ALDH4A1: variants seen among roughly 807,000 people sequenced by gnomAD.
The protein encoded by ALDH4A1 is aldehyde dehydrogenase 4 family member A1.
A neutral mutation model predicts 70.5 loss-of-function variants in ALDH4A1; 46 were observed. The ratio of observed to expected loss-of-function variants is 0.65; its 90% CI spans 0.51 to 0.83. The LOEUF (loss-of-function observed/expected upper bound fraction) is 0.83, where lower values mean the gene tolerates loss of function less well. ALDH4A1 is among the 40% of genes least tolerant of loss of function. The probability of loss-of-function intolerance (pLI) is 0.00; values close to 1 mark genes in which losing one functional copy is unlikely to be tolerated. For synonymous variants in ALDH4A1, 323 were observed against 324.3 expected (o/e 1.00, Z 0.04); for missense variants, 749 against 766.5 (o/e 0.98, Z 0.27).
At chr1:18,888,192 G>A (rs1331137349) in intron 3 of ALDH4A1, among the ~76,000 whole-genome samples, 1 of 152,140 alleles carries the variant, frequency 6.6e-6, no homozygotes, top group African/African-American at 2.4e-5. Flanking sequence ...TCTACTGGCC[G>A]GCGCTGGTCT....
chr1:18,900,445 G>A (rs1204559465), intron 1 of ALDH4A1, among the ~76,000 whole-genome samples: 1 of 152,218 alleles, frequency 6.6e-6, no homozygotes, highest in African/African-American at 2.4e-5. Context: ...CTCTCAACCG[G>A]AGGTGACTTT....
At chr1:18,885,190 C>A in intron 5 of ALDH4A1, 1 of 493,174 alleles carries the variant, frequency 2.0e-6, no homozygotes, top group Non-Finnish European at 3.7e-6. Context: ...CAGGCCACCA[C>A]CAGTCCAGGC....
chr1:18,873,758 C>T (rs1934549286), intron 14 of ALDH4A1, among the ~76,000 whole-genome samples: 1 of 152,200 alleles, frequency 6.6e-6, no homozygotes. Flanking sequence ...CTTTAAAATA[C>T]CCTCTGCAAT....
chr1:18,897,456 T>C (rs1213683736), intron 1 of ALDH4A1, among the ~76,000 whole-genome samples: 2 of 152,188 alleles, frequency 1.3e-5, no homozygotes, highest in Admixed American at 1.3e-4. Flanking sequence ...GGTAGGAGGA[T>C]GGCTTGAGCC....
At chr1:18,883,719 C>A (rs1244887162) in intron 5 of ALDH4A1, among the ~76,000 whole-genome samples, 2 of 152,198 alleles carry the variant, frequency 1.3e-5, no homozygotes, top group Non-Finnish European at 1.5e-5. Context: ...CATTTCATAG[C>A]AACTCTGAAT....
At chr1:18,892,563 G>C (rs938809684) in intron 1 of ALDH4A1, among the ~76,000 whole-genome samples, 4 of 151,722 alleles carry the variant, frequency 2.6e-5, no homozygotes, top group East Asian at 1.9e-4. Context: ...GGAGGCGGGG[G>C]GGGGCTGAGA....
chr1:18,871,495 C>T lies in ALDH4A1; in HGVS notation c.*1350G>A, dbSNP rs1267178245. The T allele has an allele frequency of 1.3e-5, 2 of 150,890 alleles. No individual in the cohort carries two copies. The highest frequency in any genetic ancestry group is 5.0e-5 in the African/African-American group (2 of 40,134). 9.3% of individuals were successfully genotyped at this position (150,890 alleles called of 1,614,324 possible). A position where few individuals can be genotyped will look rare whatever the true frequency, so the allele number is the denominator to read the frequency against. On this transcript the variant is annotated 3_prime_UTR_variant, in exon 15 of 15. Transcript: ENST00000375341. ...CCCATTGCCACCTCACAGTGTAGAA[C>T]CAGTAGAACTAAGAATACTCCAGCC...
chr1:18,882,668 C>T (rs746090442), intron 7 of ALDH4A1: 1 of 544,406 alleles, frequency 1.8e-6, no homozygotes, highest in Non-Finnish European at 3.7e-6. Flanking sequence ...AACTCCCTCT[C>T]GAAGCTGCTG....
intron 1 of ALDH4A1, among the ~76,000 whole-genome samples, chr1:18,896,083 C>T (rs1489148069): frequency 6.6e-6 from 1 of 152,138 alleles, no homozygotes; most frequent in East Asian, 1.9e-4. Flanking sequence ...ACTGGTCCAA[C>T]CTCACATAGC....
intron 1 of ALDH4A1, among the ~76,000 whole-genome samples, chr1:18,895,145 G>A (rs1312754930): frequency 1.3e-5 from 2 of 152,184 alleles, no homozygotes; most frequent in East Asian, 3.8e-4. Flanking sequence ...AAGCACCCAG[G>A]AAGTGCCTGG....
rs904113931 is a variant in ALDH4A1 at position 18,889,468 on chromosome 1, C to T, written c.157-14G>A. On this transcript the variant is annotated splice_polypyrimidine_tract_variant and intron_variant, in intron 2 of 14. Transcript: ENST00000375341. ...GTCCTTCAAGGCCTGGGGAGAGGGA[C>T]AAGAGTGGGTATGGTCACCGCCTTC... 11 of 1,549,960 alleles carry T rather than the reference C, an allele frequency of 7.1e-6. No individual in the cohort carries two copies. Among genetic ancestry groups the T allele is most frequent in the South Asian group, 2.4e-5 (2 of 84,028 alleles).
chr1:18,889,560 A>G lies in ALDH4A1; in HGVS notation c.157-106T>C, dbSNP rs111923813. On this transcript the variant is annotated intron_variant, in intron 2 of 14. Transcript: ENST00000375341. ...ACGGAGGTGCCCAGGCAATACAGAAATGAGAAGGGGGCCAGGCCAGGTCGG... is the reference window on the plus strand; with the variant it reads ...ACGGAGGTGCCCAGGCAATACAGAAGTGAGAAGGGGGCCAGGCCAGGTCGG... 196 of 1,039,168 alleles carry G rather than the reference A, an allele frequency of 1.9e-4. No homozygotes were observed. The African/African-American group carries it at 2.8e-3, about 15-fold the overall frequency. The allele number at this position is 1,039,168 out of a possible 1,614,324, so 64.4% of individuals were successfully genotyped here. A position where few individuals can be genotyped will look rare whatever the true frequency, so the allele number is the denominator to read the frequency against.
At chr1:18,901,320 C>T (rs1175588352) in intron 1 of ALDH4A1, among the ~76,000 whole-genome samples, 1 of 152,214 alleles carries the variant, frequency 6.6e-6, no homozygotes, top group Non-Finnish European at 1.5e-5. Context: ...CTCAGAGCAC[C>T]ACCATGCCAT....
In ALDH4A1 at chr1:18,875,385, T is replaced by G. The variant is rs972450233; in HGVS notation, c.1457A>C (p.Asp486Ala). The change falls in exon 13 of 15, where the codon GAT becomes GCT. Residue 486 changes from aspartate (D) to alanine (A), a missense_variant. Asp to Ala is a moderately radical substitution (Grantham distance 126). Coordinates refer to ENST00000375341, the MANE Select transcript of ALDH4A1 (RefSeq NM_003748.4). ...YGLTGAVFSQDKDVVQEATKV... is the reference protein window; with the variant it reads ...YGLTGAVFSQAKDVVQEATKV... ...GGGCTGCGGCCTGGCCACTCACTTATCCTGGGAGAACACTGCCCCCGTGAG... is the reference window on the plus strand; with the variant it reads ...GGGCTGCGGCCTGGCCACTCACTTAGCCTGGGAGAACACTGCCCCCGTGAG... 1.2e-6 allele frequency: 2 copies of G among 1,613,972 alleles called. No homozygotes were observed. The highest frequency in any genetic ancestry group is 3.3e-5 in the Admixed American group (2 of 59,998).
chr1:18,902,318 G>A (rs1935826657), intron 1 of ALDH4A1, 144 bp downstream of exon 1: 1 of 574,880 alleles, frequency 1.7e-6, no homozygotes, highest in South Asian at 4.0e-5. Flanking sequence ...GGGTCGGAGG[G>A]GAGCCCCTGA....
intron 3 of ALDH4A1, 121 bp downstream of exon 3, chr1:18,889,241 G>T: frequency 2.3e-6 from 2 of 865,782 alleles, no homozygotes; most frequent in Admixed American, 2.1e-5. Context: ...AATCTGGGGT[G>T]GGGAGGGGCA....
rs746845254 is a variant in ALDH4A1, at chr1:18,890,059, C to A, written c.109G>T (p.Val37Phe). ...GGGCTGCCCTGCGTGAAGGCTAAGA[C>A]GGGCTCGTTGGCCACCTTCAGGGAG... ...TSSLKVANEPVLAFTQGSPER... is the reference protein window; with the variant it reads ...TSSLKVANEPFLAFTQGSPER... The change falls in exon 2 of 15, where the codon GTC (valine) becomes TTC (phenylalanine). Residue 37 changes from valine to phenylalanine, a missense_variant. Coordinates refer to ENST00000375341, the MANE Select transcript of ALDH4A1 (RefSeq NM_003748.4). 1.2e-6 allele frequency: 2 copies of A among 1,613,148 alleles called. No homozygotes were observed. Among genetic ancestry groups the A allele is most frequent in the East Asian group, 2.2e-5 (1 of 44,870 alleles).
intron 1 of ALDH4A1, chr1:18,896,979 G>A: frequency 2.2e-6 from 1 of 463,666 alleles, no homozygotes; most frequent in South Asian, 1.6e-5. Context: ...CATTTGTCAA[G>A]CACTTGCCAC....
rs999953888 is a variant in ALDH4A1 at position 18,880,070 on chromosome 1, G to T, written c.867-697C>A. On this transcript the variant is annotated intron_variant, in intron 8 of 14. Transcript: ENST00000375341. This position sits in a 1 kb window ranked among gnomAD's most constrained non-coding sequence, Gnocchi z 5.1. ...AATGGGGTCCAGGCCCGCTCCGCCCGCTGATAGGCGGGGAGCCCAGGGGCC... is the reference window on the plus strand; with the variant it reads ...AATGGGGTCCAGGCCCGCTCCGCCCTCTGATAGGCGGGGAGCCCAGGGGCC... 3.3e-5 allele frequency among the ~76,000 whole-genome samples: 5 copies of T among 152,212 alleles called. No individual in the cohort carries two copies. The highest frequency in any genetic ancestry group is 2.0e-4 in the Admixed American group (3 of 15,288).
Sources: allele counts gnomAD v4.1 joint callset (sites outside exome capture counted in the v4.1 genomes callset), GRCh38; gene constraint gnomAD v4.1.1; non-coding constraint Gnocchi (gnomAD v3.1); transcripts MANE v1.5; gene names NCBI Gene and HGNC (gene_info 2026-07-23, HGNC 2026-07-21).